The following ADAMTSL4 variants were observed in gnomAD, a reference collection of about 807,000 sequenced individuals.
ADAMTSL4 encodes ADAMTS-like protein 4.
In ADAMTSL4, 97 loss-of-function variants were observed where a neutral mutation model predicts 122.8. The ratio of observed to expected loss-of-function variants is 0.79; its 90% CI spans 0.67 to 0.93. The LOEUF (loss-of-function observed/expected upper bound fraction) is 0.93, where lower values mean the gene tolerates loss of function less well. Ranked by LOEUF, ADAMTSL4 falls within the 40% of genes least tolerant of loss-of-function variation. The pLI, the probability that ADAMTSL4 is intolerant of heterozygous loss-of-function variation, is 0.00. For synonymous variants in ADAMTSL4, 592 were observed against 568.0 expected, an observed-to-expected ratio of 1.04 and a Z score of -0.60; for missense variants, 1,408 against 1,453.5, an observed-to-expected ratio of 0.97 and a Z score of 0.51.
chr1:150,554,280 GCCTCCCACCTGCTCCCCAGGTTCAGC>G lies in ADAMTSL4; in HGVS notation c.1132-81_1132-56del, dbSNP rs1671768860. ...TCTTGGAGCTCTTCCGCTGACCTGAGCCTCCCACCTGCTCCCCAGGTTCAGCCCTGCCCCTACCCTCATTTTGCTCC... is the reference window on the plus strand; with the variant it reads ...TCTTGGAGCTCTTCCGCTGACCTGAGCCTGCCCCTACCCTCATTTTGCTCC... On this transcript the variant is annotated intron_variant, in intron 6 of 18. Coordinates refer to ENST00000271643, the MANE Select transcript of ADAMTSL4 (RefSeq NM_019032.6). The surrounding 1 kb of genome is among the most constrained non-coding windows in gnomAD (Gnocchi z 4.0). 6.7e-7 allele frequency: 1 copy of G among 1,482,932 alleles called. No homozygotes were observed. Among genetic ancestry groups the G allele is most frequent in the African/African-American group, 1.4e-5 (1 of 72,302 alleles). 91.9% of individuals were successfully genotyped at this position (1,482,932 alleles called of 1,614,324 possible).
Position 150,553,944 on chromosome 1 carries a change from G to T in ADAMTSL4, c.953G>T (p.Gly318Val), listed in dbSNP as rs1671718800. Reference sequence around the variant, plus strand: ...GGCCAGCAGGGCCAAGGGCCTTGGGGAACGGGGGGGACTCCTCACGGGCCC... The same window carrying T: ...GGCCAGCAGGGCCAAGGGCCTTGGGTAACGGGGGGGACTCCTCACGGGCCC... ...GRGQQGQGPWGTGGTPHGPRL... is the reference protein window; with the variant it reads ...GRGQQGQGPWVTGGTPHGPRL... Residue 318 changes from glycine (G) to valine (V), a missense_variant, in exon 6 of 19, where the codon GGA becomes GTA. Physicochemically the swap from Gly to Val is moderately radical, Grantham distance 109. Coordinates refer to ENST00000271643, the MANE Select transcript of ADAMTSL4 (RefSeq NM_019032.6). 1.1e-5 allele frequency: 17 copies of T among 1,610,170 alleles called. No individual in the cohort carries two copies. The highest frequency in any genetic ancestry group is 1.4e-5 in the Non-Finnish European group (17 of 1,178,638).
At chr1:150,550,769 C>T (rs1157767867) in intron 2 of ADAMTSL4, 1 of 456,434 alleles carries the variant, frequency 2.2e-6, no homozygotes, top group Admixed American at 2.3e-5. Context: ...AACCCCCACC[C>T]CAACCCCAAT....
Position 150,556,532 on chromosome 1 carries a change from T to C in ADAMTSL4, c.1577-89T>C. Reference sequence around the variant, plus strand: ...GGCTTGGGGGGATCTTAGGTTCTGGTGGGAGCTTCTATAGGCTAAGGACAC... The same window carrying C: ...GGCTTGGGGGGATCTTAGGTTCTGGCGGGAGCTTCTATAGGCTAAGGACAC... On this transcript the variant is annotated intron_variant, in intron 9 of 18. Coordinates refer to ENST00000271643, the MANE Select transcript of ADAMTSL4 (RefSeq NM_019032.6). This position sits in a 1 kb window ranked among gnomAD's most constrained non-coding sequence, Gnocchi z 4.1. The C allele has an allele frequency of 6.3e-7, 1 of 1,589,322 alleles. No individual in the cohort carries two copies. Among genetic ancestry groups the C allele is most frequent in the Admixed American group, 1.7e-5 (1 of 59,798 alleles).
At chr1:150,555,682 TAC>T (rs922505027) in intron 8 of ADAMTSL4, 117 bp downstream of exon 8, 177 of 1,426,396 alleles carry the variant, frequency 1.2e-4, no homozygotes, top group Admixed American at 2.7e-4. Flanking sequence ...TGCAAGCACA[TAC>T]ACACACGCAT....
rs374008923 is a variant in ADAMTSL4, at chr1:150,554,000, G to A, written c.1009G>A (p.Ala337Thr). Residue 337 changes from alanine to threonine, a missense_variant, in exon 6 of 19, where the codon GCC becomes ACC. Transcript: ENST00000271643. The part of the protein sequence containing the change: ...RLEPDPQHPG[A>T]WLPLLSNGPH... ...GGAGCCTGACCCTCAGCACCCGGGC[G>A]CCTGGCTGCCCCTGCTGAGCAACGG... The A allele has an allele frequency of 2.3e-4, 374 of 1,611,720 alleles. No homozygotes were observed. The highest frequency in any genetic ancestry group is 6.6e-4 in the Middle Eastern group (4 of 6,052).
rs368613246 is a variant in ADAMTSL4, at chr1:150,555,309, G to A, written c.1235-120G>A. ...GGCCCTGACCACCTCAGCTTGTGCT[G>A]TTGTCACATTTCCTTCATCCACAGT... On this transcript the variant is annotated intron_variant, in intron 7 of 18. Coordinates refer to ENST00000271643, the MANE Select transcript of ADAMTSL4 (RefSeq NM_019032.6). 13 of 1,308,644 alleles carry A rather than the reference G, an allele frequency of 9.9e-6. No individual in the cohort carries two copies. The African/African-American group carries it at 1.8e-4, about 18-fold the overall frequency. 81.1% of individuals were successfully genotyped at this position (1,308,644 alleles called of 1,614,324 possible).
At position 150,554,699 on chromosome 1, in the gene ADAMTSL4, T is replaced by A. The variant is rs1048298617; in HGVS notation, c.1234+232T>A. 1.4e-6 allele frequency: 2 copies of A among 1,450,956 alleles called. No homozygotes were observed. The highest frequency in any genetic ancestry group is 2.8e-5 in the African/African-American group (2 of 71,158). 89.9% of individuals were successfully genotyped at this position (1,450,956 alleles called of 1,614,324 possible). A position where few individuals can be genotyped will look rare whatever the true frequency, so the allele number is the denominator to read the frequency against. ...TGTGGGAGACACGCTTTGTCCGGAC[T>A]CCCCTGGGAAGGCCATCACTGGGGG... On this transcript the variant is annotated intron_variant, in intron 7 of 18. Coordinates refer to ENST00000271643, the MANE Select transcript of ADAMTSL4 (RefSeq NM_019032.6). The surrounding 1 kb of genome is among the most constrained non-coding windows in gnomAD (Gnocchi z 4.0).
intron 2 of ADAMTSL4, chr1:150,551,718 G>A (rs987725438): frequency 1.9e-5 from 3 of 155,132 alleles, no homozygotes; most frequent in South Asian, 1.9e-4. Flanking sequence ...GTGCAATTTA[G>A]CTGGATCCCA....
In ADAMTSL4 at chr1:150,557,643, C is replaced by T. The variant is rs373438207; in HGVS notation, c.2177+20C>T. On this transcript the variant is annotated intron_variant, in intron 13 of 18. Coordinates refer to ENST00000271643, the MANE Select transcript of ADAMTSL4 (RefSeq NM_019032.6). Reference sequence around the variant, plus strand: ...CCCATAGTGAGTATGGGGGAGCCCACGGGGAGGGTTAGGGTACTGGAAACA... The same window carrying T: ...CCCATAGTGAGTATGGGGGAGCCCATGGGGAGGGTTAGGGTACTGGAAACA... The T allele has an allele frequency of 6.3e-5, 100 of 1,594,366 alleles. No individual in the cohort carries two copies. Among genetic ancestry groups the T allele is most frequent in the African/African-American group, 3.9e-4 (29 of 74,718 alleles).
Position 150,552,911 on chromosome 1 carries a change from A to G in ADAMTSL4, c.92A>G (p.His31Arg). ...LCLDQEVLSG[H>R]SLQTPTEEGQ... ...TTCTCTATATAGGTGTTGTCCGGAC[A>G]CTCTCTTCAGACACCTACAGAGGAG... Residue 31 changes from histidine to arginine, a missense_variant, in exon 5 of 19, where the codon CAC becomes CGC. Coordinates refer to ENST00000271643, the MANE Select transcript of ADAMTSL4 (RefSeq NM_019032.6). The surrounding 1 kb of genome is among the most constrained non-coding windows in gnomAD (Gnocchi z 4.0). The G allele has an allele frequency of 6.2e-7, 1 of 1,612,342 alleles. No individual in the cohort carries two copies. The highest frequency in any genetic ancestry group is 2.2e-5 in the East Asian group (1 of 44,848).
chr1:150,552,525 C>G lies in ADAMTSL4; in HGVS notation c.21-18C>G. On this transcript the variant is annotated intron_variant, in intron 3 of 18. Coordinates refer to ENST00000271643, the MANE Select transcript of ADAMTSL4 (RefSeq NM_019032.6). This position sits in a 1 kb window ranked among gnomAD's most constrained non-coding sequence, Gnocchi z 4.0. ...CTGGCTCCAGTCTGACGTCCCTCCCCTGGCCTTTGGTTTGCAGGCCCTGGC... is the reference window on the plus strand; with the variant it reads ...CTGGCTCCAGTCTGACGTCCCTCCCGTGGCCTTTGGTTTGCAGGCCCTGGC... 3.1e-6 allele frequency: 5 copies of G among 1,614,114 alleles called. No individual in the cohort carries two copies. The highest frequency in any genetic ancestry group is 4.2e-6 in the Non-Finnish European group (5 of 1,179,986).
In ADAMTSL4 at chr1:150,553,914, G is replaced by T; in HGVS notation, c.923G>T (p.Gly308Val). The T allele has an allele frequency of 1.2e-6, 2 of 1,611,870 alleles. No homozygotes were observed. The highest frequency in any genetic ancestry group is 1.7e-6 in the Non-Finnish European group (2 of 1,179,268). The change falls in exon 6 of 19, where the codon GGC (glycine) becomes GTC (valine). Residue 308 changes from glycine (G) to valine (V), a missense_variant. Physicochemically the swap from Gly to Val is moderately radical, Grantham distance 109. Transcript: ENST00000271643. ...GATCCTTTTCCTTCGGTCCCTCGGG[G>T]CCGAGGCCAGCAGGGCCAAGGGCCT... ...RPDPFPSVPR[G>V]RGQQGQGPWG...
chr1:150,553,916 C>A lies in ADAMTSL4; in HGVS notation c.925C>A (p.Arg309=). 1 of 1,611,928 alleles carries A rather than the reference C, an allele frequency of 6.2e-7. No individual in the cohort carries two copies. Among genetic ancestry groups the A allele is most frequent in the Non-Finnish European group, 8.5e-7 (1 of 1,179,262 alleles). Residue 309 remains arginine (R), a synonymous_variant, in exon 6 of 19, where the codon CGA becomes AGA. Coordinates refer to ENST00000271643, the MANE Select transcript of ADAMTSL4 (RefSeq NM_019032.6). The part of the protein sequence containing the change: ...PDPFPSVPRG[R]GQQGQGPWGT... ...TCCTTTTCCTTCGGTCCCTCGGGGC[C>A]GAGGCCAGCAGGGCCAAGGGCCTTG...
At position 150,559,186 on chromosome 1, in the gene ADAMTSL4, G is replaced by A. The variant is rs1233724156; in HGVS notation, c.2763+21G>A. On this transcript the variant is annotated intron_variant, in intron 16 of 18. Coordinates refer to ENST00000271643, the MANE Select transcript of ADAMTSL4 (RefSeq NM_019032.6). The surrounding 1 kb of genome is among the most constrained non-coding windows in gnomAD (Gnocchi z 4.1). The stretch of plus-strand genomic sequence containing the variant: ...GTGAGGTAAGCTGAGCGCCTGCTGA[G>A]AGCAGGAAGGGGGTGCCAGTCCCAG... The A allele has an allele frequency of 6.2e-7, 1 of 1,612,098 alleles. No homozygotes were observed. The highest frequency in any genetic ancestry group is 1.7e-5 in the Admixed American group (1 of 59,822).
chr1:150,556,621 C>A lies in ADAMTSL4; in HGVS notation c.1577C>A (p.Ala526Glu). Residue 526 changes from alanine to glutamate, a missense_variant and splice_region_variant, in exon 10 of 19, where the codon GCA becomes GAA. Ala to Glu is a moderately radical substitution (Grantham distance 107, BLOSUM62 -1). Coordinates refer to ENST00000271643, the MANE Select transcript of ADAMTSL4 (RefSeq NM_019032.6). The surrounding 1 kb of genome is among the most constrained non-coding windows in gnomAD (Gnocchi z 4.1). ...CCGATCTCTCACCTCTGACCCGCAG[C>A]ACTTCGTGGCCCTGGGGGCCGGTCC... ...AQLRPSSNYL[A>E]LRGPGGRSII... is the part of the protein sequence containing the mutation. The A allele has an allele frequency of 6.2e-7, 1 of 1,614,036 alleles. No individual in the cohort carries two copies. The highest frequency in any genetic ancestry group is 8.5e-7 in the Non-Finnish European group (1 of 1,180,008).
At position 150,560,124 on chromosome 1, in the gene ADAMTSL4, C is replaced by T. The variant is rs1487853448; in HGVS notation, c.3153C>T (p.Tyr1051=). The change falls in exon 19 of 19, where the codon TAC becomes TAT. Residue 1051 remains tyrosine (Y), a synonymous_variant. Coordinates refer to ENST00000271643, the MANE Select transcript of ADAMTSL4 (RefSeq NM_019032.6). ...TGGTACAGGCCCGGCTCTGCGTCTA[C>T]CCCTACTACACAGCCACCTGTTGCC... ...PLVVQARLCV[Y]PYYTATCCRS... 1 of 1,614,118 alleles carries T rather than the reference C, an allele frequency of 6.2e-7. No individual in the cohort carries two copies. Among genetic ancestry groups the T allele is most frequent in the South Asian group, 1.1e-5 (1 of 91,084 alleles).
In ADAMTSL4 at chr1:150,560,118, C is replaced by T. The variant is rs1672628263; in HGVS notation, c.3147C>T (p.Cys1049=). The T allele has an allele frequency of 1.2e-6, 2 of 1,614,112 alleles. No homozygotes were observed. The highest frequency in any genetic ancestry group is 1.7e-6 in the Non-Finnish European group (2 of 1,180,014). ...CCCTGGTGGTACAGGCCCGGCTCTG[C>T]GTCTACCCCTACTACACAGCCACCT... ...HCPLVVQARL[C]VYPYYTATCC... Residue 1049 remains cysteine (C), a synonymous_variant, in exon 19 of 19, where the codon TGC becomes TGT. Transcript: ENST00000271643.
intron 13 of ADAMTSL4, 152 bp downstream of exon 13, chr1:150,557,775 AG>A: frequency 7.5e-7 from 1 of 1,327,850 alleles, no homozygotes; most frequent in Non-Finnish European, 1.0e-6. Context: ...GTAGGCAGCA[AG>A]AAAGCCATGG....
chr1:150,556,429 A>G lies in ADAMTSL4; in HGVS notation c.1576+63A>G. ...TGTTCGGCCCTCCATACCCCTACTC[A>G]GAGCAGTGAGCAAGCCAAACAGGGG... On this transcript the variant is annotated intron_variant, in intron 9 of 18. Coordinates refer to ENST00000271643, the MANE Select transcript of ADAMTSL4 (RefSeq NM_019032.6). This position sits in a 1 kb window ranked among gnomAD's most constrained non-coding sequence, Gnocchi z 4.1. 2 of 1,601,842 alleles carry G rather than the reference A, an allele frequency of 1.2e-6. No homozygotes were observed. The highest frequency in any genetic ancestry group is 1.7e-6 in the Non-Finnish European group (2 of 1,172,486).
Sources: gnomAD v4.1 joint callset for allele counts on GRCh38, gnomAD v4.1.1 for gene constraint, Gnocchi (gnomAD v3.1) non-coding constraint, MANE v1.5 for transcripts, NCBI Gene and HGNC (gene_info 2026-07-23, HGNC 2026-07-21) for gene names.